The following AJAP1 variants were observed in gnomAD, a reference collection of about 807,000 sequenced individuals.
The protein encoded by AJAP1 is adherens junction-associated protein 1.
Under a neutral mutation model 35.0 loss-of-function variants are expected in AJAP1, and 5 were observed. The observed-to-expected ratio is 0.14, with a 90% CI of 0.07 to 0.30. AJAP1 has a LOEUF of 0.30. Ranked by LOEUF, AJAP1 falls within the 10% of genes least tolerant of loss-of-function variation. The probability of loss-of-function intolerance (pLI) is 1.00; values close to 1 mark genes in which losing one functional copy is unlikely to be tolerated. For missense variants in AJAP1, 586 were observed against 571.0 expected, an observed-to-expected ratio of 1.03 and a Z score of -0.27; for synonymous variants, 284 against 249.3, an observed-to-expected ratio of 1.14 and a Z score of -1.31.
intron 1 of AJAP1, among the ~76,000 whole-genome samples, chr1:4,676,252 A>G (rs923039215): frequency 7.9e-5 from 12 of 152,230 alleles, no homozygotes; most frequent in Admixed American, 5.9e-4. Flanking sequence ...GTACTTGCGC[A>G]TTCTTTATTT....
At chr1:4,674,318 C>T (rs1313049105) in intron 1 of AJAP1, among the ~76,000 whole-genome samples, 1 of 152,140 alleles carries the variant, frequency 6.6e-6, no homozygotes, top group East Asian at 1.9e-4. Flanking sequence ...GGCATCACAG[C>T]CCACGGCTGC....
intron 1 of AJAP1, among the ~76,000 whole-genome samples, chr1:4,695,688 T>C (rs1465482912): frequency 6.6e-6 from 1 of 152,188 alleles, no homozygotes; most frequent in Non-Finnish European, 1.5e-5. Flanking sequence ...ATGCTGCCTT[T>C]CCCCTGTATC....
chr1:4,712,352 G>T lies in AJAP1; in HGVS notation c.482G>T (p.Gly161Val). ...AGGAGGGGCAAGAGGCACCTGCAGG[G>T]GGACGGTCTCAGCAGCTTCGACTCC... ...LLRRGKRHLQ[G>V]DGLSSFDSRG... is the part of the protein sequence containing the mutation. Residue 161 changes from glycine (G) to valine (V), a missense_variant, in exon 2 of 6, where the codon GGG (glycine) becomes GTG (valine). By Grantham distance (109) the Gly-to-Val change is moderately radical (BLOSUM62 -3). Transcript: ENST00000378191. The T allele has an allele frequency of 6.6e-7, 1 of 1,507,408 alleles. No individual in the cohort carries two copies. Among genetic ancestry groups the T allele is most frequent in the Non-Finnish European group, 8.9e-7 (1 of 1,125,322 alleles). The allele number at this position is 1,507,408 out of a possible 1,614,324, so 93.4% of individuals were successfully genotyped here.
At chr1:4,712,768 T>C (rs1267497749) in intron 2 of AJAP1, 69 bp downstream of exon 2, 1 of 1,428,662 alleles carries the variant, frequency 7.0e-7, no homozygotes, top group Non-Finnish European at 9.3e-7. Flanking sequence ...TCGGGAGAGA[T>C]GCTTAGATGT....
intron 1 of AJAP1, among the ~76,000 whole-genome samples, chr1:4,681,140 G>A (rs182953166): frequency 1.6e-4 from 24 of 152,312 alleles, no homozygotes; most frequent in Non-Finnish European, 2.6e-4. Context: ...AAATCCCTTT[G>A]TCTAGACTGG....
chr1:4,725,414 G>T (rs1416925413), intron 2 of AJAP1, among the ~76,000 whole-genome samples: 1 of 152,120 alleles, frequency 6.6e-6, no homozygotes, highest in East Asian at 1.9e-4. Flanking sequence ...CAGGGCTGTC[G>T]TCATGGTCCC....
At chr1:4,717,721 A>G (rs1640427677) in intron 2 of AJAP1, among the ~76,000 whole-genome samples, 1 of 152,214 alleles carries the variant, frequency 6.6e-6, no homozygotes, top group Admixed American at 6.5e-5. Flanking sequence ...TGACCTAAGC[A>G]TCAATGCAAG....
At chr1:4,733,200 C>T (rs1052919831) in intron 2 of AJAP1, among the ~76,000 whole-genome samples, 1 of 152,022 alleles carries the variant, frequency 6.6e-6, no homozygotes, top group African/African-American at 2.4e-5. Context: ...CAGGGCTTGG[C>T]TCAGGGTTTT....
chr1:4,778,209 C>A (rs1324993839), intron 5 of AJAP1, among the ~76,000 whole-genome samples: 1 of 152,156 alleles, frequency 6.6e-6, no homozygotes, highest in Non-Finnish European at 1.5e-5. Context: ...GATGGCTTTG[C>A]AAGATACATA....
At chr1:4,704,040 G>A (rs1640046614) in intron 1 of AJAP1, among the ~76,000 whole-genome samples, 1 of 152,184 alleles carries the variant, frequency 6.6e-6, no homozygotes, top group Non-Finnish European at 1.5e-5. Context: ...ATTGAAGGTA[G>A]GGGTTAAGCA....
intron 1 of AJAP1, among the ~76,000 whole-genome samples, chr1:4,678,452 C>A (rs891051269): frequency 1.3e-5 from 2 of 152,174 alleles, no homozygotes; most frequent in African/African-American, 4.8e-5. Flanking sequence ...AGAGGCTCAA[C>A]TGGGGAAGGA....
At chr1:4,683,860 C>G (rs148426511) in intron 1 of AJAP1, among the ~76,000 whole-genome samples, 1 of 152,162 alleles carries the variant, frequency 6.6e-6, no homozygotes, top group African/African-American at 2.4e-5. Context: ...CAGTGTTAGA[C>G]GGTCAAGAAA....
intron 1 of AJAP1, among the ~76,000 whole-genome samples, chr1:4,691,843 C>A (rs1044773530): frequency 6.6e-6 from 1 of 152,150 alleles, no homozygotes; most frequent in African/African-American, 2.4e-5. Flanking sequence ...CCCAGGACCG[C>A]CTGGCAGGGA....
At chr1:4,717,246 C>T (rs1055271414) in intron 2 of AJAP1, among the ~76,000 whole-genome samples, 3 of 152,330 alleles carry the variant, frequency 2.0e-5, no homozygotes, top group Non-Finnish European at 2.9e-5. Context: ...GTGGGAATAC[C>T]TGGGGCAGGA....
chr1:4,668,508 A>G (rs1179004034), intron 1 of AJAP1, among the ~76,000 whole-genome samples: 2 of 152,216 alleles, frequency 1.3e-5, no homozygotes, highest in East Asian at 1.9e-4. Context: ...GCAGACCTTC[A>G]AGGTCAGGAA....
chr1:4,747,040 G>A (rs531255788), intron 2 of AJAP1, among the ~76,000 whole-genome samples: 1 of 152,302 alleles, frequency 6.6e-6, no homozygotes, highest in Admixed American at 6.5e-5. Flanking sequence ...GGTCACCTGT[G>A]GGAGAACGCC....
chr1:4,701,056 C>T (rs75084201), intron 1 of AJAP1, among the ~76,000 whole-genome samples: 3,100 of 152,370 alleles, frequency 0.02, 88 homozygotes, highest in South Asian at 0.12. Flanking sequence ...CTCGCGGGCA[C>T]GTTGCCCAGG....
At chr1:4,754,977 G>T (rs1175369598) in intron 2 of AJAP1, among the ~76,000 whole-genome samples, 2 of 152,148 alleles carry the variant, frequency 1.3e-5, no homozygotes, top group East Asian at 1.9e-4. Context: ...GCCCTGCCTG[G>T]GCAGGAACCC....
intron 5 of AJAP1, among the ~76,000 whole-genome samples, chr1:4,776,869 G>T (rs17349278): frequency 0.012 from 1,793 of 152,268 alleles, 19 homozygotes; most frequent in Middle Eastern, 0.031. Context: ...CAGGTAGGTC[G>T]TCCGCAGAGT....
Sources: gnomAD v4.1 joint callset for allele counts (sites outside exome capture counted in the v4.1 genomes callset) on GRCh38, gnomAD v4.1.1 for gene constraint, MANE v1.5 for transcripts, NCBI Gene and HGNC (gene_info 2026-07-23, HGNC 2026-07-21) for gene names.